SRGAP1: variants seen among roughly 807,000 people sequenced by gnomAD.
SRGAP1 encodes SLIT-ROBO Rho GTPase activating protein 1.
In SRGAP1, 43 loss-of-function variants were observed where a neutral mutation model predicts 121.9. The ratio of observed to expected loss-of-function variants is 0.35; its 90% CI spans 0.28 to 0.46. The LOEUF (loss-of-function observed/expected upper bound fraction) is 0.46. Ranked by LOEUF, SRGAP1 falls within the 20% of genes least tolerant of loss-of-function variation. The pLI, the probability that SRGAP1 is intolerant of heterozygous loss-of-function variation, is 1.00. For synonymous variants in SRGAP1, 447 were observed against 485.4 expected (o/e 0.92, Z 1.04); for missense variants, 1,102 against 1,350.9 (o/e 0.82, Z 2.89).
In SRGAP1 at chr12:64,146,443, C is replaced by G. The variant is rs988430056; in HGVS notation, c.*3771C>G. 3.9e-5 allele frequency: 6 copies of G among 152,074 alleles called. No homozygotes were observed. The highest frequency in any genetic ancestry group is 8.8e-5 in the Non-Finnish European group (6 of 68,022). 9.4% of individuals were successfully genotyped at this position (152,074 alleles called of 1,614,324 possible). On this transcript the variant is annotated 3_prime_UTR_variant, in exon 22 of 22. Transcript: ENST00000355086. ...AGAGGCGTGGGTTGGTAGTTGTGTC[C>G]TTAACATTTAGGAATGACATAGCCT...
intron 5 of SRGAP1, 27 bp downstream of exon 5, chr12:64,042,999 C>G: frequency 6.6e-7 from 1 of 1,521,280 alleles, no homozygotes; most frequent in South Asian, 1.1e-5. Flanking sequence ...CAGAGCTCTT[C>G]TGCCTTCATT....
intron 12 of SRGAP1, chr12:64,091,913 A>G (rs1321198081): frequency 6.5e-7 from 1 of 1,535,888 alleles, no homozygotes; most frequent in Admixed American, 2.0e-5. Context: ...AGAAACTCGC[A>G]CACAAGACAT....
Position 64,118,710 on chromosome 12 carries a change from C to CTTATTTATTTATTTAT in SRGAP1, c.2224+2833_2224+2848dup, listed in dbSNP as rs377520467. Among the ~76,000 whole-genome samples, 209 of 150,460 alleles carry CTTATTTATTTATTTAT rather than the reference C, an allele frequency of 1.4e-3. 2 individuals carry two copies. The highest frequency in any genetic ancestry group is 4.7e-3 in the African/African-American group (191 of 40,488). On this transcript the variant is annotated intron_variant, in intron 18 of 21. Coordinates refer to ENST00000355086, the MANE Select transcript of SRGAP1 (RefSeq NM_020762.4). ...GCTGTTTATATGTCTTCTTTGGTGC[C>CTTATTTATTTATTTAT]TTATTTATTTATTTATTTATTTATT...
intron 15 of SRGAP1, among the ~76,000 whole-genome samples, chr12:64,101,311 GTGT>G (rs2036251525): frequency 2.4e-5 from 3 of 127,506 alleles, no homozygotes; most frequent in African/African-American, 1.1e-4. Flanking sequence ...GGAAAGGGGT[GTGT>G]GTGTGTGTGT....
chr12:63,957,959 A>G (rs141070977), intron 1 of SRGAP1, among the ~76,000 whole-genome samples: 2 of 152,324 alleles, frequency 1.3e-5, no homozygotes, highest in East Asian at 3.9e-4. Flanking sequence ...GACAAAGTGC[A>G]TAGTGCACTG....
chr12:63,950,226 A>T (rs140853477), intron 1 of SRGAP1, among the ~76,000 whole-genome samples: 60 of 152,308 alleles, frequency 3.9e-4, no homozygotes, highest in Middle Eastern at 3.4e-3. Context: ...GACAGCCCCC[A>T]GCCTCCACAT....
chr12:63,945,932 AGTTCACCCACACATACCTTCCTATCTG>A (rs1434255089), intron 1 of SRGAP1, among the ~76,000 whole-genome samples: 76 of 151,048 alleles, frequency 5.0e-4, no homozygotes, highest in African/African-American at 9.0e-4. Context: ...CTTTCTACCT[AGTTCACCCACACATACCTTCCTATCTG>A]GTTCACCCAC....
chr12:64,019,234 C>A (rs1446279474), intron 4 of SRGAP1, among the ~76,000 whole-genome samples: 1 of 152,114 alleles, frequency 6.6e-6, no homozygotes, highest in Non-Finnish European at 1.5e-5. Context: ...CTAGATCCAG[C>A]CTATCGATTG....
At chr12:64,066,664 C>A (rs1001015624) in intron 8 of SRGAP1, among the ~76,000 whole-genome samples, 1 of 152,070 alleles carries the variant, frequency 6.6e-6, no homozygotes, top group African/African-American at 2.4e-5. Context: ...TTCTATTATT[C>A]CGAGTAGAAA....
intron 1 of SRGAP1, among the ~76,000 whole-genome samples, chr12:63,960,528 C>G (rs2032607251): frequency 1.3e-5 from 2 of 152,208 alleles, no homozygotes; most frequent in Admixed American, 1.3e-4. Flanking sequence ...CTCTCTCTTG[C>G]TTTCTCAGTC....
chr12:63,975,738 A>G (rs76724290), intron 1 of SRGAP1, among the ~76,000 whole-genome samples: 5,587 of 152,250 alleles, frequency 0.037, 316 homozygotes, highest in African/African-American at 0.12. Context: ...CAATGTAGCT[A>G]CAAATCAGCT....
chr12:63,932,024 G>C (rs2031493930), intron 1 of SRGAP1, among the ~76,000 whole-genome samples: 1 of 152,184 alleles, frequency 6.6e-6, no homozygotes, highest in Non-Finnish European at 1.5e-5. Flanking sequence ...ACCTGTCCAT[G>C]TGATTTAACT....
At chr12:64,010,752 G>A (rs185313972) in intron 3 of SRGAP1, among the ~76,000 whole-genome samples, 1 of 152,116 alleles carries the variant, frequency 6.6e-6, no homozygotes, top group Admixed American at 6.6e-5. Flanking sequence ...ATAAAACCCT[G>A]TGACAGAGAT....
At chr12:64,003,946 A>G (rs2033994998) in intron 3 of SRGAP1, among the ~76,000 whole-genome samples, 1 of 152,202 alleles carries the variant, frequency 6.6e-6, no homozygotes, top group South Asian at 2.1e-4. Context: ...AAAAATATTG[A>G]AAGCAGCCAG....
chr12:64,065,044 T>G (rs1320895072), intron 7 of SRGAP1, 74 bp from the exon 8 acceptor site: 3 of 1,080,640 alleles, frequency 2.8e-6, no homozygotes, highest in Non-Finnish European at 4.1e-6. Flanking sequence ...CATGCATCAT[T>G]TAAATAACAG....
intron 3 of SRGAP1, among the ~76,000 whole-genome samples, chr12:63,991,479 T>TAAA (rs1454184112): frequency 2.0e-5 from 3 of 152,210 alleles, no homozygotes; most frequent in African/African-American, 7.2e-5. Flanking sequence ...GGAGAAACTT[T>TAAA]AAAAATTGAA....
chr12:64,087,858 A>G (rs1287266148), intron 11 of SRGAP1, among the ~76,000 whole-genome samples: 1 of 152,210 alleles, frequency 6.6e-6, no homozygotes, highest in Non-Finnish European at 1.5e-5. Context: ...ACATACTCCC[A>G]TATTGTACTT....
intron 4 of SRGAP1, among the ~76,000 whole-genome samples, chr12:64,036,409 G>A (rs2034904225): frequency 6.6e-6 from 1 of 152,096 alleles, no homozygotes; most frequent in Non-Finnish European, 1.5e-5. Flanking sequence ...TTCAGCTACA[G>A]TTAGAGTCCT....
rs186442911 is a variant in SRGAP1 at position 64,007,848 on chromosome 12, A to T, written c.427-9102A>T. On this transcript the variant is annotated intron_variant, in intron 3 of 21. Coordinates refer to ENST00000355086, the MANE Select transcript of SRGAP1 (RefSeq NM_020762.4). ...CTCTGGAAGGGACTTTATCTTCCTT[A>T]ATATAGTACCACAAACACAGTTGAA... is the stretch of plus-strand genomic sequence containing the variant. Among the ~76,000 whole-genome samples, 188 of 152,298 alleles carry T rather than the reference A, an allele frequency of 1.2e-3. 1 individual carries two copies. Among genetic ancestry groups the T allele is most frequent in the East Asian group, 2.5e-3 (13 of 5,192 alleles).
Sources: gnomAD v4.1 joint callset for allele counts (sites outside exome capture counted in the v4.1 genomes callset) on GRCh38, gnomAD v4.1.1 for gene constraint, MANE v1.5 for transcripts, NCBI Gene and HGNC (gene_info 2026-07-23, HGNC 2026-07-21) for gene names.